The following ERC2 variants were observed in gnomAD, a reference collection of about 807,000 sequenced individuals.
The protein encoded by ERC2 is ERC protein 2.
Under a neutral mutation model 114.8 loss-of-function variants are expected in ERC2, and 42 were observed. The observed-to-expected ratio is 0.37, with a 90% CI of 0.29 to 0.47. The LOEUF is 0.47. Ranked by LOEUF, ERC2 falls within the 20% of genes least tolerant of loss-of-function variation. ERC2 has a pLI of 0.99. For missense variants in ERC2, 939 were observed against 1,150.7 expected (o/e 0.82, Z 2.66); for synonymous variants, 454 against 425.5 (o/e 1.07, Z -0.82).
rs188941030 is a variant in ERC2, at chr3:55,923,072, G to A, written c.2403+27353C>T. Among the ~76,000 whole-genome samples, 751 of 152,164 alleles carry A rather than the reference G, an allele frequency of 4.9e-3. 6 individuals are homozygous for A. Among genetic ancestry groups the A allele is most frequent in the African/African-American group, 0.017 (715 of 41,502 alleles). Reference sequence around the variant, plus strand: ...TAAAAGCAGGGACTTGAACAGATATGTATATATCACTGTTCATAGGAGCAT... The same window carrying A: ...TAAAAGCAGGGACTTGAACAGATATATATATATCACTGTTCATAGGAGCAT... On this transcript the variant is annotated intron_variant, in intron 13 of 17. Coordinates refer to ENST00000288221, the MANE Select transcript of ERC2 (RefSeq NM_015576.3).
intron 14 of ERC2, among the ~76,000 whole-genome samples, chr3:55,864,217 ATACACATATATATG>A (rs2062188942): frequency 6.9e-6 from 1 of 143,932 alleles, no homozygotes; most frequent in Non-Finnish European, 1.5e-5. Context: ...ACACACATAT[ATACACATATATATG>A]TGTGTGTGTG....
chr3:56,028,529 T>A (rs535558123), intron 7 of ERC2, among the ~76,000 whole-genome samples: 2 of 152,254 alleles, frequency 1.3e-5, no homozygotes, highest in Non-Finnish European at 2.9e-5. Context: ...TTTCCTAAGT[T>A]TACATCTACA....
intron 3 of ERC2, among the ~76,000 whole-genome samples, chr3:56,236,634 C>A (rs1232912315): frequency 6.6e-6 from 1 of 152,058 alleles, no homozygotes; most frequent in African/African-American, 2.4e-5. Flanking sequence ...GCACTGGGGT[C>A]TATTTATTAT....
chr3:55,775,695 A>C (rs2068552945), intron 14 of ERC2, among the ~76,000 whole-genome samples: 1 of 152,174 alleles, frequency 6.6e-6, no homozygotes, highest in Admixed American at 6.5e-5. Flanking sequence ...TGAGACAGAA[A>C]AGATACTGAG....
intron 13 of ERC2, among the ~76,000 whole-genome samples, chr3:55,935,642 T>G (rs1192140901): frequency 6.6e-6 from 1 of 152,214 alleles, no homozygotes; most frequent in African/African-American, 2.4e-5. Flanking sequence ...TGCTGGCTCA[T>G]TTTGCCACCT....
intron 17 of ERC2, among the ~76,000 whole-genome samples, chr3:55,566,948 G>A (rs930603081): frequency 6.6e-6 from 1 of 152,198 alleles, no homozygotes; most frequent in Non-Finnish European, 1.5e-5. Context: ...TGATCTGCCT[G>A]CCTTGGCCTC....
intron 3 of ERC2, among the ~76,000 whole-genome samples, chr3:56,272,569 A>G (rs2053723966): frequency 6.6e-6 from 1 of 152,252 alleles, no homozygotes; most frequent in Non-Finnish European, 1.5e-5. Flanking sequence ...CAGGAGTTCA[A>G]GACCAGCCTG....
chr3:56,200,733 T>C (rs141994687), intron 3 of ERC2, among the ~76,000 whole-genome samples: 8 of 152,280 alleles, frequency 5.3e-5, no homozygotes, highest in Admixed American at 1.3e-4. Context: ...AAGGAAGCCG[T>C]CTGTGTTTGT....
chr3:55,865,408 G>A (rs546245328), intron 14 of ERC2, among the ~76,000 whole-genome samples: 9 of 152,084 alleles, frequency 5.9e-5, no homozygotes, highest in South Asian at 2.1e-4. Context: ...ACTATAACTC[G>A]TATGTCTTTG....
intron 15 of ERC2, among the ~76,000 whole-genome samples, chr3:55,709,471 A>C (rs2063660186): frequency 6.6e-6 from 1 of 152,194 alleles, no homozygotes; most frequent in African/African-American, 2.4e-5. Flanking sequence ...AGCTTGAGAC[A>C]CCACCATCAG....
intron 14 of ERC2, among the ~76,000 whole-genome samples, chr3:55,873,706 A>G (rs2062695072): frequency 6.6e-6 from 1 of 152,190 alleles, no homozygotes; most frequent in Non-Finnish European, 1.5e-5. Flanking sequence ...AAGGCAAGTC[A>G]GTCCTTCTGC....
chr3:55,942,273 T>TG, intron 13 of ERC2, among the ~76,000 whole-genome samples: 1 of 100,198 alleles, frequency 1.0e-5, no homozygotes, highest in Non-Finnish European at 2.0e-5. Context: ...TTTCTTTTTT[T>TG]TTTTTTTTTT....
intron 8 of ERC2, among the ~76,000 whole-genome samples, 182 bp downstream of exon 8, chr3:56,018,712 C>T (rs2073486536): frequency 6.6e-6 from 1 of 152,026 alleles, no homozygotes; most frequent in Admixed American, 6.6e-5. Context: ...CAGAAAATGC[C>T]CCTGACTGTA....
intron 17 of ERC2, among the ~76,000 whole-genome samples, chr3:55,677,779 T>C (rs549401789): frequency 1.4e-4 from 22 of 152,278 alleles, no homozygotes; most frequent in African/African-American, 5.1e-4. Context: ...ACTCTCTTTG[T>C]GGGGATGTGC....
chr3:55,701,680 C>T (rs927789106), intron 15 of ERC2, among the ~76,000 whole-genome samples: 2 of 152,154 alleles, frequency 1.3e-5, no homozygotes, highest in African/African-American at 4.8e-5. Context: ...CTTAAAGTGT[C>T]AGAAGACCCA....
intron 2 of ERC2, among the ~76,000 whole-genome samples, chr3:56,428,457 G>A: frequency 6.7e-6 from 1 of 148,374 alleles, no homozygotes; most frequent in Middle Eastern, 3.2e-3. Context: ...GGAGGTAGAG[G>A]TTGCAGTGAA....
intron 12 of ERC2, among the ~76,000 whole-genome samples, chr3:55,969,392 T>TAAAC (rs1156752893): frequency 3.1e-3 from 440 of 140,688 alleles, no homozygotes; most frequent in African/African-American, 0.011. Context: ...TTTATACACA[T>TAAAC]ACACACACAC....
intron 7 of ERC2, among the ~76,000 whole-genome samples, chr3:56,057,526 A>G (rs1471495684): frequency 4.6e-5 from 7 of 152,206 alleles, no homozygotes; most frequent in Non-Finnish European, 8.8e-5. Flanking sequence ...GCATAGCTGC[A>G]TGGTTCTTTC....
intron 6 of ERC2, among the ~76,000 whole-genome samples, chr3:56,084,291 G>A (rs551763323): frequency 1.6e-4 from 25 of 152,004 alleles, no homozygotes; most frequent in Non-Finnish European, 2.9e-4. Flanking sequence ...AAACCTCTAC[G>A]GAAAACAACA....
Sources: gnomAD v4.1 joint callset for allele counts (sites outside exome capture counted in the v4.1 genomes callset) on GRCh38, gnomAD v4.1.1 for gene constraint, MANE v1.5 for transcripts, NCBI Gene and HGNC (gene_info 2026-07-23, HGNC 2026-07-21) for gene names.